Variants in FOXP1 observed in about 807,000 individuals in gnomAD.
FOXP1 encodes forkhead box protein P1.
A neutral mutation model predicts 98.2 loss-of-function variants in FOXP1; 15 were observed. The observed-to-expected ratio is 0.15, with a 90% CI of 0.10 to 0.24. The LOEUF (loss-of-function observed/expected upper bound fraction) is 0.24, where lower values mean the gene tolerates loss of function less well. FOXP1 is among the 10% of genes least tolerant of loss of function. The probability of loss-of-function intolerance (pLI) is 1.00; values close to 1 mark genes in which losing one functional copy is unlikely to be tolerated. For synonymous variants in FOXP1, 371 were observed against 314.5 expected (o/e 1.18, Z -1.90); for missense variants, 633 against 848.5 (o/e 0.75, Z 3.15).
At chr3:71,165,877 C>T (rs1348972215) in intron 6 of FOXP1, among the ~76,000 whole-genome samples, 2 of 152,134 alleles carry the variant, frequency 1.3e-5, no homozygotes, top group Non-Finnish European at 2.9e-5. Flanking sequence ...TGAGAAGCAA[C>T]GTGATCATCA....
At chr3:71,222,333 T>C (rs899411554) in intron 5 of FOXP1, among the ~76,000 whole-genome samples, 2 of 152,196 alleles carry the variant, frequency 1.3e-5, no homozygotes, top group Non-Finnish European at 2.9e-5. Flanking sequence ...GAGGCCACTT[T>C]GAAAATTCTT....
chr3:71,176,420 T>C (rs1380072740), intron 6 of FOXP1, among the ~76,000 whole-genome samples: 1 of 152,168 alleles, frequency 6.6e-6, no homozygotes, highest in African/African-American at 2.4e-5. Flanking sequence ...AATACTTCCA[T>C]CCCCCTGACC....
chr3:71,476,153 A>T (rs2106771382), intron 3 of FOXP1, among the ~76,000 whole-genome samples: 1 of 152,382 alleles, frequency 6.6e-6, no homozygotes, highest in South Asian at 2.1e-4. Context: ...ACACAATGGA[A>T]ATGACTGAAA....
At chr3:71,523,661 TG>T (rs546464842) in intron 2 of FOXP1, among the ~76,000 whole-genome samples, 1 of 152,180 alleles carries the variant, frequency 6.6e-6, no homozygotes, top group Non-Finnish European at 1.5e-5. Context: ...TATTTTCCTT[TG>T]TTTTTTTTCT....
chr3:71,076,314 ATTTTC>A (rs2053803635), intron 7 of FOXP1, among the ~76,000 whole-genome samples: 1 of 152,160 alleles, frequency 6.6e-6, no homozygotes. Context: ...ATGGAAATCT[ATTTTC>A]TTTTCTTACC....
At chr3:71,436,371 T>C (rs570037894) in intron 3 of FOXP1, among the ~76,000 whole-genome samples, 4 of 152,134 alleles carry the variant, frequency 2.6e-5, no homozygotes, top group African/African-American at 9.7e-5. Flanking sequence ...GCATAGTTAC[T>C]GCATGGAACA....
intron 12 of FOXP1, among the ~76,000 whole-genome samples, chr3:71,015,275 G>T (rs889178525): frequency 6.6e-6 from 1 of 151,906 alleles, no homozygotes; most frequent in African/African-American, 2.4e-5. Context: ...TACTGGAATC[G>T]TTTTTTTTAA....
intron 5 of FOXP1, chr3:71,289,581 C>T (rs2072536183): frequency 6.6e-6 from 1 of 152,128 alleles, no homozygotes; most frequent in Non-Finnish European, 1.5e-5. Flanking sequence ...GAGTTTTCAT[C>T]CCATCTCTGA....
At chr3:70,993,274 C>T (rs1028841598) in intron 13 of FOXP1, among the ~76,000 whole-genome samples, 1 of 152,186 alleles carries the variant, frequency 6.6e-6, no homozygotes, top group Non-Finnish European at 1.5e-5. Context: ...CACCGGACTC[C>T]AGCCTTGCCT....
At chr3:71,034,149 G>GGT (rs977483393) in intron 11 of FOXP1, among the ~76,000 whole-genome samples, 48 of 152,262 alleles carry the variant, frequency 3.2e-4, no homozygotes, top group Admixed American at 1.5e-3. Context: ...AGATGAGGTG[G>GGT]GTGCAAAGGA....
At chr3:71,086,903 G>A (rs1374203336) in intron 7 of FOXP1, among the ~76,000 whole-genome samples, 3 of 152,136 alleles carry the variant, frequency 2.0e-5, no homozygotes, top group Non-Finnish European at 4.4e-5. Context: ...CACAACCATG[G>A]AGAACAAACA....
intron 3 of FOXP1, among the ~76,000 whole-genome samples, chr3:71,469,768 G>A (rs2089142256): frequency 1.3e-5 from 2 of 152,166 alleles, no homozygotes; most frequent in South Asian, 4.1e-4. Flanking sequence ...ACCCTCAACT[G>A]AAAGCCCGAT....
intron 2 of FOXP1, among the ~76,000 whole-genome samples, chr3:71,493,825 T>C (rs568099604): frequency 8.5e-5 from 13 of 152,366 alleles, no homozygotes; most frequent in South Asian, 6.2e-4. Context: ...TATTTTAGCA[T>C]ATGAAAATAC....
At chr3:71,244,956 G>C (rs998796569) in intron 5 of FOXP1, 21 of 128,372 alleles carry the variant, frequency 1.6e-4, no homozygotes, top group Non-Finnish European at 3.3e-4. Context: ...TGAAGTGAGG[G>C]GGGAAAAAAA....
intron 2 of FOXP1, among the ~76,000 whole-genome samples, chr3:71,552,126 GAACT>G (rs890722761): frequency 1.3e-5 from 2 of 152,026 alleles, no homozygotes; most frequent in East Asian, 1.9e-4. Context: ...ACTGTATAAA[GAACT>G]AACTGCTACC....
At chr3:71,054,385 T>A (rs941706019) in intron 7 of FOXP1, among the ~76,000 whole-genome samples, 5 of 152,254 alleles carry the variant, frequency 3.3e-5, no homozygotes, top group African/African-American at 9.6e-5. Context: ...CCGCTTTCCA[T>A]GACATTTCAG....
chr3:71,071,044 CG>C (rs2053163963), intron 7 of FOXP1, among the ~76,000 whole-genome samples: 1 of 152,134 alleles, frequency 6.6e-6, no homozygotes. Flanking sequence ...AAACATTTTC[CG>C]GGGCTCTGCG....
At chr3:70,984,828 T>C (rs985333779) in intron 14 of FOXP1, among the ~76,000 whole-genome samples, 4 of 152,292 alleles carry the variant, frequency 2.6e-5, no homozygotes, top group Non-Finnish European at 5.9e-5. Context: ...GTCCAAAAAC[T>C]TGGGCACCTT....
chr3:71,535,915 A>C (rs1355262944), intron 2 of FOXP1, among the ~76,000 whole-genome samples: 2 of 152,154 alleles, frequency 1.3e-5, no homozygotes, highest in Non-Finnish European at 2.9e-5. Flanking sequence ...GCTACCTACA[A>C]CACCAAGGCT....
Sources: allele counts gnomAD v4.1 joint callset (sites outside exome capture counted in the v4.1 genomes callset), GRCh38; gene constraint gnomAD v4.1.1; transcripts MANE v1.5; gene names NCBI Gene and HGNC (gene_info 2026-07-23, HGNC 2026-07-21).